The following ANO2 variants were observed in gnomAD, a reference collection of about 807,000 sequenced individuals.
ANO2 encodes anoctamin-2.
ANO2 carries 101 observed loss-of-function variants against 124.2 expected under a neutral mutation model. The ratio of observed to expected loss-of-function variants is 0.81; its 90% confidence interval spans 0.69 to 0.96. The LOEUF (loss-of-function observed/expected upper bound fraction) is 0.96, where lower values mean the gene tolerates loss of function less well. Among genes scored for constraint, ANO2 ranks in the 40% least tolerant of loss-of-function variants. The pLI is 0.00. For synonymous variants in ANO2, 486 were observed against 482.5 expected, an observed-to-expected ratio of 1.01 and a Z score of -0.09; for missense variants, 1,293 against 1,274.5, an observed-to-expected ratio of 1.01 and a Z score of -0.22.
intron 3 of ANO2, among the ~76,000 whole-genome samples, chr12:5,902,427 G>C (rs532825035): frequency 1.0e-4 from 15 of 150,220 alleles, no homozygotes; most frequent in Non-Finnish European, 1.8e-4. Flanking sequence ...CTCTACAAAA[G>C]AAAAATTTAA....
intron 3 of ANO2, among the ~76,000 whole-genome samples, chr12:5,871,591 C>T (rs1937699791): frequency 6.6e-6 from 1 of 152,152 alleles, no homozygotes; most frequent in Non-Finnish European, 1.5e-5. Flanking sequence ...GTGATCTGTG[C>T]ACGCAAGGGA....
At chr12:5,736,485 G>A (rs1950869441) in intron 13 of ANO2, among the ~76,000 whole-genome samples, 1 of 152,168 alleles carries the variant, frequency 6.6e-6, no homozygotes, top group Admixed American at 6.5e-5. Flanking sequence ...CTGATACTGG[G>A]AGGTGTCTGG....
At chr12:5,773,507 T>C (rs765941923) in intron 10 of ANO2, among the ~76,000 whole-genome samples, 16 of 152,172 alleles carry the variant, frequency 1.1e-4, no homozygotes, top group Non-Finnish European at 2.2e-4. Flanking sequence ...GTTAATTAAG[T>C]GCTTGAAACA....
intron 3 of ANO2, among the ~76,000 whole-genome samples, chr12:5,896,985 G>T (rs982564521): frequency 6.6e-6 from 1 of 152,078 alleles, no homozygotes; most frequent in African/African-American, 2.4e-5. Flanking sequence ...CAGAAATGTT[G>T]AACATAAAAT....
At chr12:5,575,751 G>A in intron 23 of ANO2, 83 bp downstream of exon 23, 1 of 1,452,428 alleles carries the variant, frequency 6.9e-7, no homozygotes, top group East Asian at 2.3e-5. Flanking sequence ...GTTGTGCAGG[G>A]TTGTAATTCT....
rs573244075 is a variant in ANO2, at chr12:5,854,232, A to G, written c.535-91T>C. ...TCAACTGTTCCACACAAGGAGCCCA[A>G]CCCGTTGTTCTTCAGTTTCTCGTTT... On this transcript the variant is annotated intron_variant, in intron 3 of 24. Transcript: ENST00000682330. 1.9e-4 allele frequency: 220 copies of G among 1,167,632 alleles called. 2 individuals are homozygous for G. In the South Asian group the frequency reaches 2.4e-3, roughly 13 times the overall value. The allele number at this position is 1,167,632 out of a possible 1,614,324, so 72.3% of individuals were successfully genotyped here.
At chr12:5,640,856 T>C (rs575934679) in intron 15 of ANO2, among the ~76,000 whole-genome samples, 53 of 152,308 alleles carry the variant, frequency 3.5e-4, no homozygotes, top group East Asian at 2.7e-3. Flanking sequence ...CCATTTGACC[T>C]AGTGATCCCA....
At chr12:5,946,046 G>T, upstream of ANO2, 2 of 1,378,084 alleles carry the variant, frequency 1.5e-6, no homozygotes, top group Non-Finnish European at 2.1e-6. The surrounding 1 kb of genome is among the most constrained non-coding windows in gnomAD (Gnocchi z 4.1). Flanking sequence ...GATGGAATCT[G>T]CAACTCCAAG....
chr12:5,647,059 G>GT (rs1241830647), intron 15 of ANO2, among the ~76,000 whole-genome samples: 7 of 152,286 alleles, frequency 4.6e-5, no homozygotes, highest in African/African-American at 1.7e-4. Context: ...CTTGAATACT[G>GT]TAAGGAAGAT....
intron 3 of ANO2, among the ~76,000 whole-genome samples, chr12:5,906,500 C>G (rs1940701764): frequency 6.6e-6 from 1 of 151,826 alleles, no homozygotes; most frequent in Non-Finnish European, 1.5e-5. Flanking sequence ...CCCTATTTTT[C>G]AAAAATAAAA....
In ANO2 at chr12:5,563,231, T is replaced by C. The variant is rs1941536788; in HGVS notation, c.*68A>G. On this transcript the variant is annotated 3_prime_UTR_variant, in exon 25 of 25. Coordinates refer to ENST00000682330, the MANE Select transcript of ANO2 (RefSeq NM_001364791.2). The stretch of plus-strand genomic sequence containing the variant: ...AGACAGACAGCACGCCATGTGGGTG[T>C]AGGAACATGCTTACGTGCATGTGCG... The C allele has an allele frequency of 5.3e-6, 8 of 1,516,720 alleles. No homozygotes were observed. Among genetic ancestry groups the C allele is most frequent in the Non-Finnish European group, 7.1e-6 (8 of 1,134,558 alleles). 94.0% of individuals were successfully genotyped at this position (1,516,720 alleles called of 1,614,324 possible).
intron 15 of ANO2, among the ~76,000 whole-genome samples, chr12:5,640,432 T>A (rs188617567): frequency 3.3e-5 from 5 of 152,116 alleles, no homozygotes. Flanking sequence ...AACATCAGAG[T>A]GAACAGGCAA....
In ANO2 at chr12:5,689,320, T is replaced by C. The variant is rs78803574; in HGVS notation, c.1546-41519A>G. Among the ~76,000 whole-genome samples the C allele has an allele frequency of 5.7e-3, 851 of 150,532 alleles. 10 individuals carry two copies. The highest frequency in any genetic ancestry group is 0.019 in the African/African-American group (774 of 40,678). The stretch of plus-strand genomic sequence containing the variant: ...GATACGAGGAGTTAGAGATCATCAA[T>C]GCAAAAGAAAAGAGATCATTTTAGA... On this transcript the variant is annotated intron_variant, in intron 14 of 24. Transcript: ENST00000682330.
intron 14 of ANO2, among the ~76,000 whole-genome samples, chr12:5,712,590 CTA>C (rs1457475207): frequency 1.3e-5 from 2 of 152,176 alleles, no homozygotes; most frequent in African/African-American, 4.8e-5. Flanking sequence ...GCCTCCAGAA[CTA>C]TGAGAGAATG....
chr12:5,578,443 A>G lies in ANO2; in HGVS notation c.2309T>C (p.Val770Ala), dbSNP rs1372205612. The G allele has an allele frequency of 1.4e-5, 23 of 1,613,942 alleles. No homozygotes were observed. The highest frequency in any genetic ancestry group is 1.9e-5 in the Non-Finnish European group (22 of 1,179,872). Residue 770 changes from valine to alanine, a missense_variant, in exon 21 of 25, where the codon GTC becomes GCC. Transcript: ENST00000682330. ...LAPVFALLNN[V>A]IEVRLDAKKF... ...CTTTGCATCGAGCCGCACTTCAATG[A>G]CGTTGTTGAGGAGGGCAAACACAGG...
Position 5,701,188 on chromosome 12 carries a change from C to A in ANO2, c.1545+31332G>T, listed in dbSNP as rs369031355. 7.1e-5 allele frequency among the ~76,000 whole-genome samples: 10 copies of A among 141,550 alleles called. No homozygotes were observed. The East Asian group carries it at 2.0e-3, about 29-fold the overall frequency. The allele number at this position is 141,550 out of a possible 152,430, so 92.9% of individuals were successfully genotyped here. ...TCAAGCTCTCTGTTAATTTCCTCAT[C>A]TCTGAAAAGCGGGGTCTACAGATAT... On this transcript the variant is annotated intron_variant, in intron 14 of 24. Coordinates refer to ENST00000682330, the MANE Select transcript of ANO2 (RefSeq NM_001364791.2).
chr12:5,569,813 G>A (rs114016023), intron 23 of ANO2, among the ~76,000 whole-genome samples: 1,820 of 152,212 alleles, frequency 0.012, 36 homozygotes, highest in African/African-American at 0.041. Flanking sequence ...TATGATTTCC[G>A]GAGCTTTTGC....
At chr12:5,779,401 C>T (rs754522825) in intron 10 of ANO2, among the ~76,000 whole-genome samples, 2 of 152,156 alleles carry the variant, frequency 1.3e-5, no homozygotes, top group Non-Finnish European at 2.9e-5. Context: ...AGGAATACGC[C>T]ATGGTTTTAG....
At chr12:5,708,813 T>A (rs1333765535) in intron 14 of ANO2, among the ~76,000 whole-genome samples, 1 of 152,210 alleles carries the variant, frequency 6.6e-6, no homozygotes, top group Non-Finnish European at 1.5e-5. Flanking sequence ...TAAGTCTTAG[T>A]TAAATGTCAG....
Sources: allele counts gnomAD v4.1 joint callset (sites outside exome capture counted in the v4.1 genomes callset), GRCh38; gene constraint gnomAD v4.1.1; non-coding constraint Gnocchi (gnomAD v3.1); transcripts MANE v1.5; gene names NCBI Gene and HGNC (gene_info 2026-07-23, HGNC 2026-07-21).